Variants in HIVEP3 observed in about 807,000 individuals in gnomAD.
The protein encoded by HIVEP3 is transcription factor HIVEP3.
A neutral mutation model predicts 152.8 loss-of-function variants in HIVEP3; 49 were observed. The observed-to-expected ratio is 0.32, with a 90% confidence interval of 0.26 to 0.41. HIVEP3 has a LOEUF of 0.41. HIVEP3 is among the 10% of genes least tolerant of loss of function. HIVEP3 has a pLI of 1.00. For missense variants in HIVEP3, 2,790 were observed against 3,103.3 expected, an observed-to-expected ratio of 0.90 and a Z score of 2.40; for synonymous variants, 1,269 against 1,289.0, an observed-to-expected ratio of 0.98 and a Z score of 0.33.
At chr1:41,728,632 G>A (rs1258184374) in intron 1 of HIVEP3, among the ~76,000 whole-genome samples, 1 of 152,234 alleles carries the variant, frequency 6.6e-6, no homozygotes, top group East Asian at 1.9e-4. Flanking sequence ...GACTGGCCCT[G>A]GAAGTGATAC....
chr1:41,793,406 A>G (rs1363466166), intron 1 of HIVEP3, among the ~76,000 whole-genome samples: 1 of 152,148 alleles, frequency 6.6e-6, no homozygotes, highest in East Asian at 1.9e-4. Flanking sequence ...TCAGCTTCCT[A>G]TGACTGGTGC....
intron 1 of HIVEP3, among the ~76,000 whole-genome samples, chr1:41,731,415 T>C (rs1030055657): frequency 6.6e-6 from 1 of 152,134 alleles, no homozygotes; most frequent in Non-Finnish European, 1.5e-5. Flanking sequence ...AAACAACCCA[T>C]GCACAGCAGG....
At chr1:41,822,701 G>A (rs1308303830) in intron 1 of HIVEP3, among the ~76,000 whole-genome samples, 3 of 152,278 alleles carry the variant, frequency 2.0e-5, no homozygotes, top group East Asian at 3.9e-4. Flanking sequence ...AGTTTCTCAA[G>A]CTTTCCTATA....
intron 1 of HIVEP3, among the ~76,000 whole-genome samples, chr1:41,785,279 C>T (rs566655572): frequency 6.6e-6 from 1 of 152,158 alleles, no homozygotes; most frequent in Non-Finnish European, 1.5e-5. Context: ...TTTCAGTTTT[C>T]CTCTCTGCCC....
At chr1:41,575,819 T>C in intron 4 of HIVEP3, 130 bp from the exon 5 acceptor site, 1 of 984,222 alleles carries the variant, frequency 1.0e-6, no homozygotes, top group African/African-American at 1.6e-5. Context: ...CACTCCCCCA[T>C]GAAGAGGTGC....
At chr1:42,016,717 C>T (rs907802191) in intron 1 of HIVEP3, among the ~76,000 whole-genome samples, 9 of 152,148 alleles carry the variant, frequency 5.9e-5, no homozygotes, top group Non-Finnish European at 1.2e-4. Context: ...TATCTCCTGG[C>T]CATATGACTT....
chr1:41,985,516 C>T (rs1461166537), intron 1 of HIVEP3, among the ~76,000 whole-genome samples: 1 of 152,200 alleles, frequency 6.6e-6, no homozygotes, highest in Admixed American at 6.5e-5. Context: ...AAACTCTCTT[C>T]TTATAGGTGT....
intron 5 of HIVEP3, among the ~76,000 whole-genome samples, chr1:41,527,035 C>T (rs1219894531): frequency 4.5e-5 from 4 of 88,240 alleles, no homozygotes; most frequent in African/African-American, 1.9e-4. Context: ...ACCCCCCACC[C>T]TCACACACCC....
intron 1 of HIVEP3, among the ~76,000 whole-genome samples, chr1:41,931,856 T>A (rs1387018092): frequency 1.3e-5 from 2 of 151,994 alleles, no homozygotes; most frequent in African/African-American, 4.8e-5. Flanking sequence ...TTTTTAATGA[T>A]CCTTCGGGTT....
At chr1:41,928,233 G>A (rs1336368446) in intron 1 of HIVEP3, among the ~76,000 whole-genome samples, 4 of 152,076 alleles carry the variant, frequency 2.6e-5, no homozygotes, top group Non-Finnish European at 5.9e-5. Flanking sequence ...TGGGTTACAG[G>A]AGTGCCCAGG....
chr1:41,877,264 C>G (rs914252366), intron 1 of HIVEP3, among the ~76,000 whole-genome samples: 24 of 152,186 alleles, frequency 1.6e-4, no homozygotes, highest in Non-Finnish European at 3.1e-4. Flanking sequence ...GAATTCCTTT[C>G]TGGGAGAGAA....
rs143296638 is a variant in HIVEP3 at position 41,595,550 on chromosome 1, T to C, written c.-521-10232A>G. On this transcript the variant is annotated intron_variant, in intron 3 of 8. Transcript: ENST00000372583. Reference sequence around the variant, plus strand: ...GTTTTGAACTATGGGAAGATGTTGATGGTGAGATTTGCAAGAAAGAGACTC... The same window carrying C: ...GTTTTGAACTATGGGAAGATGTTGACGGTGAGATTTGCAAGAAAGAGACTC... 5.6e-4 allele frequency among the ~76,000 whole-genome samples: 85 copies of C among 152,250 alleles called. 1 individual carries two copies. Among genetic ancestry groups the C allele is most frequent in the African/African-American group, 1.9e-3 (77 of 41,556 alleles).
intron 1 of HIVEP3, among the ~76,000 whole-genome samples, chr1:41,881,135 A>G (rs1644254472): frequency 6.6e-6 from 1 of 152,234 alleles, no homozygotes; most frequent in African/African-American, 2.4e-5. Flanking sequence ...GGTGATGACA[A>G]CAGTGCTGAT....
At chr1:41,937,824 C>T (rs1028283542) in intron 1 of HIVEP3, among the ~76,000 whole-genome samples, 1 of 152,190 alleles carries the variant, frequency 6.6e-6, no homozygotes, top group Non-Finnish European at 1.5e-5. Context: ...AGAATCCTAA[C>T]TGGTGCATTG....
At chr1:41,898,048 C>A (rs1644562726) in intron 1 of HIVEP3, among the ~76,000 whole-genome samples, 1 of 151,734 alleles carries the variant, frequency 6.6e-6, no homozygotes, top group Non-Finnish European at 1.5e-5. Flanking sequence ...CCTGCCATCC[C>A]CACTGGCATC....
At chr1:41,755,408 G>A (rs1444876031) in intron 1 of HIVEP3, among the ~76,000 whole-genome samples, 2 of 151,936 alleles carry the variant, frequency 1.3e-5, no homozygotes, top group African/African-American at 2.4e-5. Flanking sequence ...GAGTCTTTAG[G>A]TGTGATATCA....
chr1:41,523,847 C>T (rs2149052078), intron 6 of HIVEP3, among the ~76,000 whole-genome samples: 1 of 152,352 alleles, frequency 6.6e-6, no homozygotes, highest in Middle Eastern at 3.4e-3. Flanking sequence ...ATCTATCAAG[C>T]TCCAGAGGCT....
intron 5 of HIVEP3, among the ~76,000 whole-genome samples, chr1:41,573,333 A>T (rs906952542): frequency 6.6e-6 from 1 of 152,126 alleles, no homozygotes; most frequent in Non-Finnish European, 1.5e-5. Context: ...GTGGCAACCA[A>T]AATGCCCTCC....
intron 1 of HIVEP3, among the ~76,000 whole-genome samples, chr1:41,855,450 C>G (rs1643737158): frequency 6.6e-6 from 1 of 152,078 alleles, no homozygotes; most frequent in African/African-American, 2.4e-5. Flanking sequence ...GCAACCTACT[C>G]ATCTGACAAA....
Sources: gnomAD v4.1 joint callset for allele counts (sites outside exome capture counted in the v4.1 genomes callset) on GRCh38, gnomAD v4.1.1 for gene constraint, MANE v1.5 for transcripts, NCBI Gene and HGNC (gene_info 2026-07-23, HGNC 2026-07-21) for gene names.